PCGF3: variants seen among roughly 807,000 people sequenced by gnomAD.
PCGF3 encodes the protein polycomb group RING finger protein 3.
In PCGF3, 7 loss-of-function variants were observed where a neutral mutation model predicts 33.1. The observed-to-expected ratio is 0.21, with a 90% CI of 0.12 to 0.40. The LOEUF (loss-of-function observed/expected upper bound fraction) is 0.40, where lower values mean the gene tolerates loss of function less well. Among genes scored for constraint, PCGF3 ranks in the 10% least tolerant of loss-of-function variants. The pLI is 1.00. For synonymous variants in PCGF3, 153 were observed against 121.3 expected, an observed-to-expected ratio of 1.26 and a Z score of -1.72; for missense variants, 211 against 313.3, an observed-to-expected ratio of 0.67 and a Z score of 2.46.
rs947281520 is a variant in PCGF3, at chr4:736,401, A to C, written c.207-1065A>C. On this transcript the variant is annotated intron_variant, in intron 5 of 10. Coordinates refer to ENST00000362003, the Ensembl canonical transcript of PCGF3. ...AAACATTCTAGAAAAGCCTCTGTTCATTGGAAATCCCACAAAGACCAGGAG... is the reference window on the plus strand; with the variant it reads ...AAACATTCTAGAAAAGCCTCTGTTCCTTGGAAATCCCACAAAGACCAGGAG... Among the ~76,000 whole-genome samples, 3 of 152,356 alleles carry C rather than the reference A, an allele frequency of 2.0e-5. No homozygotes were observed. The Middle Eastern group carries it at 0.01, about 518-fold the overall frequency.
intron 1 of PCGF3, among the ~76,000 whole-genome samples, chr4:708,382 G>T (rs911722570): frequency 2.6e-5 from 4 of 152,090 alleles, no homozygotes; most frequent in African/African-American, 9.7e-5. Flanking sequence ...GGACCCTCGG[G>T]GGGGAATCCA....
At chr4:729,710 A>C (rs994874280) in intron 1 of PCGF3, among the ~76,000 whole-genome samples, 1 of 152,204 alleles carries the variant, frequency 6.6e-6, no homozygotes, top group Non-Finnish European at 1.5e-5. Context: ...TTTTATGTAA[A>C]AGTTAACTGA....
At chr4:716,262 C>G (rs1449630789) in intron 1 of PCGF3, among the ~76,000 whole-genome samples, 3 of 126,772 alleles carry the variant, frequency 2.4e-5, no homozygotes, top group South Asian at 2.9e-4. Flanking sequence ...AACTGGGCGT[C>G]GGTGCTGGGA....
chr4:738,985 G>A (rs534786050), intron 6 of PCGF3, among the ~76,000 whole-genome samples: 6 of 152,292 alleles, frequency 3.9e-5, no homozygotes, highest in South Asian at 2.1e-4. Flanking sequence ...AGGCGTGGCC[G>A]TCCTTGCTGC....
Position 721,087 on chromosome 4 carries a change from T to C in PCGF3, c.-189-9543T>C, listed in dbSNP as rs575813588. Among the ~76,000 whole-genome samples, 2 of 150,608 alleles carry C rather than the reference T, an allele frequency of 1.3e-5. No individual in the cohort carries two copies. The highest frequency in any genetic ancestry group is 2.1e-4 in the South Asian group (1 of 4,754). Reference sequence around the variant, plus strand: ...CCCTCCCACCTGGGCTGGGCACCCATGAGGCTGAGGACCCTGGGGAGGGAA... The same window carrying C: ...CCCTCCCACCTGGGCTGGGCACCCACGAGGCTGAGGACCCTGGGGAGGGAA... On this transcript the variant is annotated intron_variant, in intron 1 of 10. Coordinates refer to ENST00000362003, the Ensembl canonical transcript of PCGF3. This position sits in a 1 kb window ranked among gnomAD's most constrained non-coding sequence, Gnocchi z 4.1.
chr4:717,461 C>G (rs183403344), intron 1 of PCGF3, among the ~76,000 whole-genome samples: 2 of 152,234 alleles, frequency 1.3e-5, no homozygotes, highest in Non-Finnish European at 2.9e-5. Context: ...CTCACTGTAA[C>G]CTCCACTTCC....
At chr4:752,582 T>G in intron 8 of PCGF3, among the ~76,000 whole-genome samples, 1 of 150,102 alleles carries the variant, frequency 6.7e-6, no homozygotes, top group South Asian at 2.1e-4. Flanking sequence ...GGATAAGGAG[T>G]GAGGTGGGGG....
Position 735,017 on chromosome 4 carries a change from C to T in PCGF3, c.196C>T (p.Gln66Ter). The T allele has an allele frequency of 6.2e-7, 1 of 1,612,406 alleles. No individual in the cohort carries two copies. The highest frequency in any genetic ancestry group is 8.5e-7 in the Non-Finnish European group (1 of 1,179,822). The change falls in exon 5 of 11, where the codon CAG becomes TAG. Residue 66 changes from glutamine (Q) to a stop codon, truncating the protein, a stop_gained. Coordinates refer to ENST00000362003, the Ensembl canonical transcript of PCGF3. LOFTEE classifies it high-confidence loss of function. ...TGTGATCCACCAGAGCCACCCCCTG[C>T]AGTACATCGGGTGAGTGTGGGCCTT...
Position 721,770 on chromosome 4 carries a change from TG to T in PCGF3, c.-189-8857del, listed in dbSNP as rs1220137462. Among the ~76,000 whole-genome samples, 77 of 90,360 alleles carry T rather than the reference TG, an allele frequency of 8.5e-4. No homozygotes were observed. Among genetic ancestry groups the T allele is most frequent in the South Asian group, 6.7e-3 (16 of 2,380 alleles). The allele number at this position is 90,360 out of a possible 152,430, so 59.3% of individuals were successfully genotyped here. ...TGGGGAGGGGCCTGTGGGAGGTGGA[TG>T]GGTTGGGTGGCTCTGTGTATGGGCA... On this transcript the variant is annotated intron_variant, in intron 1 of 10. Transcript: ENST00000362003. The surrounding 1 kb of genome is among the most constrained non-coding windows in gnomAD (Gnocchi z 4.1).
rs569851311 is a variant in PCGF3 at position 732,366 on chromosome 4, C to T, written c.-10+1256C>T. The T allele has an allele frequency of 3.8e-3, 594 of 154,752 alleles. 3 individuals carry two copies. Among genetic ancestry groups the T allele is most frequent in the Non-Finnish European group, 6.3e-3 (442 of 69,934 alleles). 9.6% of individuals were successfully genotyped at this position (154,752 alleles called of 1,614,324 possible). A position where few individuals can be genotyped will look rare whatever the true frequency, so the allele number is the denominator to read the frequency against. On this transcript the variant is annotated intron_variant, in intron 3 of 10. Transcript: ENST00000362003. Reference sequence around the variant, plus strand: ...CCTCCCTTCCCTTCCCCTCCCCTCCCTTCTCCTTCCCCTCCCTCTCCCTTC... The same window carrying T: ...CCTCCCTTCCCTTCCCCTCCCCTCCTTTCTCCTTCCCCTCCCTCTCCCTTC...
At chr4:766,238 A>G (rs1254050252) in exon 11 of PCGF3, 1 of 610,288 alleles carries the variant, frequency 1.6e-6, no homozygotes. Context: ...TCAACAAGAC[A>G]CTACCAGCAC....
At chr4:757,051 T>A (rs1183514117) in intron 8 of PCGF3, 2 of 152,246 alleles carry the variant, frequency 1.3e-5, no homozygotes, top group Non-Finnish European at 2.9e-5. Context: ...TTAATTTTGT[T>A]CTCATCTCTG....
chr4:719,044 A>C (rs148721651), intron 1 of PCGF3, among the ~76,000 whole-genome samples: 6 of 151,758 alleles, frequency 4.0e-5, no homozygotes, highest in Admixed American at 3.9e-4. Flanking sequence ...AACCTCTGCT[A>C]TACAGGTTCA....
chr4:748,100 C>T (rs1744344784), intron 8 of PCGF3, among the ~76,000 whole-genome samples: 1 of 152,072 alleles, frequency 6.6e-6, no homozygotes, highest in Non-Finnish European at 1.5e-5. Context: ...AGGGCCTCTT[C>T]GTGTGTCATT....
At position 736,646 on chromosome 4, in the gene PCGF3, C is replaced by T. The variant is rs573406327; in HGVS notation, c.207-820C>T. Among the ~76,000 whole-genome samples the T allele has an allele frequency of 1.9e-4, 20 of 106,126 alleles. 5 individuals carry two copies. In the South Asian group the frequency reaches 7.4e-3, roughly 39 times the overall value. 69.6% of individuals were successfully genotyped at this position (106,126 alleles called of 152,430 possible). ...CCTGAGCACACAGGATGCAGGGAACCCGTGGTGTCCACAGGGACGGTGTCT... is the reference window on the plus strand; with the variant it reads ...CCTGAGCACACAGGATGCAGGGAACTCGTGGTGTCCACAGGGACGGTGTCT... On this transcript the variant is annotated intron_variant, in intron 5 of 10. Coordinates refer to ENST00000362003, the Ensembl canonical transcript of PCGF3.
At chr4:765,800 T>C (rs924024300) in intron 10 of PCGF3, among the ~76,000 whole-genome samples, 1 of 152,058 alleles carries the variant, frequency 6.6e-6, no homozygotes, top group Non-Finnish European at 1.5e-5. Flanking sequence ...GTGTGCACAG[T>C]GGTCACTGGG....
At chr4:761,481 G>A in intron 9 of PCGF3, 65 bp downstream of exon 9, 1 of 1,472,352 alleles carries the variant, frequency 6.8e-7, no homozygotes. Flanking sequence ...GTAACTCCAA[G>A]ATTCTTTGCT....
chr4:737,867 A>G (rs1365526121), intron 6 of PCGF3, among the ~76,000 whole-genome samples: 1 of 152,290 alleles, frequency 6.6e-6, no homozygotes, highest in Non-Finnish European at 1.5e-5. Context: ...CTCATCCCAC[A>G]GCGCCAGCTT....
At chr4:739,944 C>T (rs1017755909) in intron 6 of PCGF3, among the ~76,000 whole-genome samples, 10 of 152,198 alleles carry the variant, frequency 6.6e-5, no homozygotes, top group Non-Finnish European at 1.3e-4. Context: ...CCATATTTTC[C>T]GTTGAGTCAA....
Sources: allele counts gnomAD v4.1 joint callset (sites outside exome capture counted in the v4.1 genomes callset), GRCh38; gene constraint gnomAD v4.1.1; non-coding constraint Gnocchi (gnomAD v3.1); transcripts MANE v1.5; gene names NCBI Gene and HGNC (gene_info 2026-07-23, HGNC 2026-07-21).